The following FZD8 variants were observed in gnomAD, a reference collection of about 807,000 sequenced individuals.
FZD8 encodes frizzled class receptor 8.
Under a neutral mutation model 46.0 loss-of-function variants are expected in FZD8, and 18 were observed. The ratio of observed to expected loss-of-function variants is 0.39; its 90% CI spans 0.27 to 0.58. FZD8 has a LOEUF of 0.58. FZD8 is among the 20% of genes least tolerant of loss of function. The probability of loss-of-function intolerance (pLI) is 0.55; values close to 1 mark genes in which losing one functional copy is unlikely to be tolerated. For missense variants in FZD8, 785 were observed against 983.4 expected (o/e 0.80, Z 2.70); for synonymous variants, 586 against 467.9 (o/e 1.25, Z -3.26).
chr10:35,641,340 G>A lies in FZD8; in HGVS notation c.90C>T (p.Ala30=). ...TGATCTCTTGGCATGCCAGCTCCTT[G>A]GCCGAGGCGGCCGCAGCGCCGCTAG... ...QRSSGAAAAS[A]KELACQEITV... is the part of the protein sequence containing the mutation. The change falls in exon 1 of 1, where the codon GCC becomes GCT. Residue 30 remains alanine (A), a synonymous_variant. Coordinates refer to ENST00000374694, the MANE Select transcript of FZD8 (RefSeq NM_031866.3). The surrounding 1 kb of genome is among the most constrained non-coding windows in gnomAD (Gnocchi z 6.3). The A allele has an allele frequency of 6.2e-7, 1 of 1,613,698 alleles. No individual in the cohort carries two copies. Among genetic ancestry groups the A allele is most frequent in the Non-Finnish European group, 8.5e-7 (1 of 1,179,872 alleles).
chr10:35,639,704 C>A lies in FZD8; in HGVS notation c.1726G>T (p.Asp576Tyr), dbSNP rs780684132. 1 of 1,599,606 alleles carries A rather than the reference C, an allele frequency of 6.3e-7. No individual in the cohort carries two copies. The highest frequency in any genetic ancestry group is 8.5e-7 in the Non-Finnish European group (1 of 1,179,652). ...GCGTAGTCGGGCCTGCGTGCCTGGTCGGGCTGCAGGTCCCGCAGGCACGGG... is the reference window on the plus strand; with the variant it reads ...GCGTAGTCGGGCCTGCGTGCCTGGTAGGGCTGCAGGTCCCGCAGGCACGGG... The part of the protein sequence containing the change: ...NCPCLRDLQP[D>Y]QARRPDYAVF... Residue 576 changes from aspartate (D) to tyrosine (Y), a missense_variant, in exon 1 of 1, where the codon GAC becomes TAC. This residue lies in a region of FZD8 where 185 missense variants were observed against 180.8 expected (regional missense o/e 1.02). Transcript: ENST00000374694.
At position 35,640,806 on chromosome 10, in the gene FZD8, T is replaced by C. The variant is rs1835847814; in HGVS notation, c.624A>G (p.Pro208=). ...GGGGGDAAAP[P]ARGGGGGGKA... Reference sequence around the variant, plus strand: ...TCCCGCCACCGCCGCCGCCGCGAGCTGGGGGCGCCGCCGCGTCCCCGCCGC... The same window carrying C: ...TCCCGCCACCGCCGCCGCCGCGAGCCGGGGGCGCCGCCGCGTCCCCGCCGC... The change falls in exon 1 of 1, where the codon CCA becomes CCG. Residue 208 remains proline (P), a synonymous_variant. Transcript: ENST00000374694. 3.0e-6 allele frequency: 3 copies of C among 1,010,086 alleles called. No individual in the cohort carries two copies. The highest frequency in any genetic ancestry group is 3.5e-6 in the Non-Finnish European group (3 of 847,982). 62.6% of individuals were successfully genotyped at this position (1,010,086 alleles called of 1,614,324 possible). A position where few individuals can be genotyped will look rare whatever the true frequency, so the allele number is the denominator to read the frequency against.
rs1290988469 is a variant in FZD8, at chr10:35,639,633, G to A, written c.1797C>T (p.Thr599=). Residue 599 remains threonine, a synonymous_variant, in exon 1 of 1, where the codon ACC becomes ACT. Transcript: ENST00000374694. ...KYFMCLVVGI[T]SGVWVWSGKT... The stretch of plus-strand genomic sequence containing the variant: ...TGCCGGACCAGACCCACACGCCCGA[G>A]GTGATGCCCACCACTAGGCACATGA... The A allele has an allele frequency of 1.3e-6, 2 of 1,598,440 alleles. No individual in the cohort carries two copies. The highest frequency in any genetic ancestry group is 2.2e-5 in the South Asian group (2 of 91,084).
chr10:35,641,540 CCCTTATGCTTCGCCCGGGAGGGGGGTCTG>C lies in FZD8; in HGVS notation c.-140_-112del, dbSNP rs1322310509. 2.1e-6 allele frequency: 3 copies of C among 1,404,778 alleles called. No individual in the cohort carries two copies. The highest frequency in any genetic ancestry group is 2.9e-5 in the African/African-American group (2 of 68,820). The allele number at this position is 1,404,778 out of a possible 1,614,324, so 87.0% of individuals were successfully genotyped here. On this transcript the variant is annotated 5_prime_UTR_variant, in exon 1 of 1. Coordinates refer to ENST00000374694, the MANE Select transcript of FZD8 (RefSeq NM_031866.3). This position sits in a 1 kb window ranked among gnomAD's most constrained non-coding sequence, Gnocchi z 6.3. ...GGGTACAGCGGGTGATCTGGGGTCT[CCCTTATGCTTCGCCCGGGAGGGGGGTCTG>C]CCGATAATCTAACCCCTTCTAGGGG...
chr10:35,640,589 T>C lies in FZD8; in HGVS notation c.841A>G (p.Ile281Val), dbSNP rs774795765. The C allele has an allele frequency of 1.8e-5, 28 of 1,585,970 alleles. No homozygotes were observed. Among genetic ancestry groups the C allele is most frequent in the Non-Finnish European group, 2.3e-5 (27 of 1,164,150 alleles). Residue 281 changes from isoleucine (I) to valine (V), a missense_variant, in exon 1 of 1, where the codon ATC becomes GTC. By Grantham distance (29) the Ile-to-Val change is conservative (BLOSUM62 3). Coordinates refer to ENST00000374694, the MANE Select transcript of FZD8 (RefSeq NM_031866.3). The stretch of plus-strand genomic sequence containing the variant: ...AAGCAGAGCACCGACCACAGGCCGA[T>C]CCAGAAGACGGTGAAGGCGCGCTCG... ...QDERAFTVFW[I>V]GLWSVLCFVS...
Position 35,639,767 on chromosome 10 carries a change from G to C in FZD8, c.1663C>G (p.Gln555Glu). ...AVVVACLFYE[Q>E]HNRPRWEATH... ...GCCTCCCAGCGCGGGCGGTTGTGCT[G>C]CTCGTAGAAGAGGCAGGCGACCACC... Residue 555 changes from glutamine (Q) to glutamate (E), a missense_variant, in exon 1 of 1, where the codon CAG becomes GAG. Gln to Glu is a conservative substitution (Grantham distance 29, BLOSUM62 2). Transcript: ENST00000374694. The C allele has an allele frequency of 1.2e-6, 2 of 1,601,164 alleles. No homozygotes were observed. Among genetic ancestry groups the C allele is most frequent in the East Asian group, 4.5e-5 (2 of 44,848 alleles).
Position 35,640,342 on chromosome 10 carries a change from G to GCCGCGCCCGCGCCCGCCGCCGCGCCGC in FZD8, c.1061_1087dup (p.Gly354_Ala362dup). 1 of 964,974 alleles carries GCCGCGCCCGCGCCCGCCGCCGCGCCGC rather than the reference G, an allele frequency of 1.0e-6. No homozygotes were observed. Among genetic ancestry groups the GCCGCGCCCGCGCCCGCCGCCGCGCCGC allele is most frequent in the Non-Finnish European group, 1.2e-6 (1 of 814,494 alleles). 59.8% of individuals were successfully genotyped at this position (964,974 alleles called of 1,614,324 possible). ...GCCCGGGCCGCCCGCGCCCGCGCCC[G>GCCGCGCCCGCGCCCGCCGCCGCGCCGC]CCGCGCCCGCGCCCGCCGCCGCGCC... On this transcript the variant is annotated inframe_insertion, in exon 1 of 1. Transcript: ENST00000374694.
Position 35,639,531 on chromosome 10 carries a change from C to T in FZD8, c.1899G>A (p.Ala633=). The T allele has an allele frequency of 5.6e-6, 7 of 1,257,114 alleles. No individual in the cohort carries two copies. Among genetic ancestry groups the T allele is most frequent in the Non-Finnish European group, 6.0e-6 (6 of 995,762 alleles). 77.9% of individuals were successfully genotyped at this position (1,257,114 alleles called of 1,614,324 possible). Residue 633 remains alanine (A), a synonymous_variant, in exon 1 of 1, where the codon GCG becomes GCA. Transcript: ENST00000374694. ...ASKGAAVGGG[A]GATAAGGGGG... Reference sequence around the variant, plus strand: ...CGCCACCCCCCGCGGCCGTGGCGCCCGCGCCCCCGCCCACCGCGGCGCCCT... The same window carrying T: ...CGCCACCCCCCGCGGCCGTGGCGCCTGCGCCCCCGCCCACCGCGGCGCCCT...
rs773372232 is a variant in FZD8, at chr10:35,641,403, C to A, written c.27G>T (p.Val9=). MEWGYLLE[V]TSLLAALALL... ...GCGCCAAGGCGGCCAGCAGCGAGGT[C>A]ACTTCCAACAGGTAACCCCACTCCA... Residue 9 remains valine (V), a synonymous_variant, in exon 1 of 1, where the codon GTG becomes GTT. Transcript: ENST00000374694. This position sits in a 1 kb window ranked among gnomAD's most constrained non-coding sequence, Gnocchi z 6.3. 14 of 1,611,188 alleles carry A rather than the reference C, an allele frequency of 8.7e-6. No homozygotes were observed. The highest frequency in any genetic ancestry group is 1.0e-5 in the Non-Finnish European group (12 of 1,179,504).
rs374758744 is a variant in FZD8, at chr10:35,639,983, C to G, written c.1447G>C (p.Gly483Arg). Reference protein sequence around the residue: ...VGNQSLDNLRGFVLAPLVIYL... With the variant: ...VGNQSLDNLRRFVLAPLVIYL... ...ATGACCAGCGGCGCCAGCACGAAGC[C>G]GCGCAGGTTGTCCAGGCTCTGGTTG... The change falls in exon 1 of 1, where the codon GGC (glycine) becomes CGC (arginine). Residue 483 changes from glycine (G) to arginine (R), a missense_variant. Around this residue, in one of 5 missense-constraint regions of FZD8, gnomAD observed 147 missense variants for 242.5 expected, o/e 0.61. Coordinates refer to ENST00000374694, the MANE Select transcript of FZD8 (RefSeq NM_031866.3). The G allele has an allele frequency of 6.2e-7, 1 of 1,612,752 alleles. No homozygotes were observed. The highest frequency in any genetic ancestry group is 1.1e-5 in the South Asian group (1 of 91,044).
In FZD8 at chr10:35,640,459, G is replaced by T. The variant is rs1212004166; in HGVS notation, c.971C>A (p.Ser324Ter). The T allele has an allele frequency of 6.4e-7, 1 of 1,559,810 alleles. No individual in the cohort carries two copies. The highest frequency in any genetic ancestry group is 8.7e-7 in the Non-Finnish European group (1 of 1,149,818). ...IFLSACYLFVSVGYLVRLVAG... is the reference protein window; with the variant it reads ...IFLSACYLFV Reference sequence around the variant, plus strand: ...CACCAGGCGCACTAGGTAGCCCACCGACACGAAGAGGTAGCAGGCCGAGAG... The same window carrying T: ...CACCAGGCGCACTAGGTAGCCCACCTACACGAAGAGGTAGCAGGCCGAGAG... Residue 324 changes from serine (S) to a stop codon, truncating the protein, a stop_gained, in exon 1 of 1, where the codon TCG becomes TAG. Coordinates refer to ENST00000374694, the MANE Select transcript of FZD8 (RefSeq NM_031866.3). LOFTEE classifies it high-confidence loss of function.
chr10:35,639,811 T>A lies in FZD8; in HGVS notation c.1619A>T (p.Tyr540Phe). The change falls in exon 1 of 1, where the codon TAC (tyrosine) becomes TTC (phenylalanine). Residue 540 changes from tyrosine to phenylalanine, a missense_variant. Physicochemically the swap from Tyr to Phe is conservative, Grantham distance 22 (BLOSUM62 3). Transcript: ENST00000374694. Reference protein sequence around the residue: ...MIRLGLFTVLYTVPAAVVVAC... With the variant: ...MIRLGLFTVLFTVPAAVVVAC... ...GACCACCACCGCGGCGGGCACGGTG[T>A]AGAGCACGGTGAACAGGCCCAGGCG... The A allele has an allele frequency of 6.2e-7, 1 of 1,603,422 alleles. No homozygotes were observed. Among genetic ancestry groups the A allele is most frequent in the Non-Finnish European group, 8.5e-7 (1 of 1,179,742 alleles).
Position 35,642,152 on chromosome 10 carries a change from T to A in FZD8, c.-723A>T, listed in dbSNP as rs1835879120. 6.6e-6 allele frequency: 1 copy of A among 152,180 alleles called. No individual in the cohort carries two copies. The highest frequency in any genetic ancestry group is 2.4e-5 in the African/African-American group (1 of 41,332). The allele number at this position is 152,180 out of a possible 1,614,324, so 9.4% of individuals were successfully genotyped here. A position where few individuals can be genotyped will look rare whatever the true frequency, so the allele number is the denominator to read the frequency against. On this transcript the variant is annotated 5_prime_UTR_variant, in exon 1 of 1. Transcript: ENST00000374694. ...CCGCAGTCGGGCGAGGTGCACACAG[T>A]CTCCTTCCTGCTGGACACCCAGGAG...
rs1835846792 is a variant in FZD8 at position 35,640,789 on chromosome 10, C to A, written c.641G>T (p.Gly214Val). ...AAAPPARGGG[G>V]GGKARPPGGG... Reference sequence around the variant, plus strand: ...GCCAGGGGGCCGCGCCTTCCCGCCACCGCCGCCGCCGCGAGCTGGGGGCGC... The same window carrying A: ...GCCAGGGGGCCGCGCCTTCCCGCCAACGCCGCCGCCGCGAGCTGGGGGCGC... Residue 214 changes from glycine (G) to valine (V), a missense_variant, in exon 1 of 1, where the codon GGT becomes GTT. Around this residue, in one of 5 missense-constraint regions of FZD8, gnomAD observed 354 missense variants for 433.2 expected, o/e 0.82. Transcript: ENST00000374694. 2.7e-6 allele frequency: 3 copies of A among 1,098,038 alleles called. No individual in the cohort carries two copies. The highest frequency in any genetic ancestry group is 3.4e-5 in the African/African-American group (2 of 59,370). The allele number at this position is 1,098,038 out of a possible 1,614,324, so 68.0% of individuals were successfully genotyped here. A position where few individuals can be genotyped will look rare whatever the true frequency, so the allele number is the denominator to read the frequency against.
rs776771781 is a variant in FZD8 at position 35,641,396 on chromosome 10, G to A, written c.34C>T (p.Leu12=). ...EWGYLLEVTS[L]LAALALLQRS... ...TGCAGCAGCGCCAAGGCGGCCAGCA[G>A]CGAGGTCACTTCCAACAGGTAACCC... The change falls in exon 1 of 1, where the codon CTG becomes TTG. Residue 12 remains leucine (L), a synonymous_variant. Transcript: ENST00000374694. This position sits in a 1 kb window ranked among gnomAD's most constrained non-coding sequence, Gnocchi z 6.3. 8 of 1,611,786 alleles carry A rather than the reference G, an allele frequency of 5.0e-6. No individual in the cohort carries two copies. Among genetic ancestry groups the A allele is most frequent in the Admixed American group, 1.7e-5 (1 of 59,946 alleles).
chr10:35,638,915 CA>C lies in FZD8; in HGVS notation c.*429del, dbSNP rs2135499395. 1 of 152,810 alleles carries C rather than the reference CA, an allele frequency of 6.5e-6. No homozygotes were observed. The highest frequency in any genetic ancestry group is 6.5e-5 in the Admixed American group (1 of 15,298). The allele number at this position is 152,810 out of a possible 1,614,324, so 9.5% of individuals were successfully genotyped here. Reference sequence around the variant, plus strand: ...CATCAGGTGGCGGTCACCCCTCCTCCAGGGTAAGTCAGGGGTGGGAGTTTAC... The same window carrying C: ...CATCAGGTGGCGGTCACCCCTCCTCCGGGTAAGTCAGGGGTGGGAGTTTAC... On this transcript the variant is annotated 3_prime_UTR_variant, in exon 1 of 1. Transcript: ENST00000374694.
chr10:35,641,013 G>A lies in FZD8; in HGVS notation c.417C>T (p.Pro139=). The A allele has an allele frequency of 1.9e-6, 3 of 1,605,964 alleles. No homozygotes were observed. Among genetic ancestry groups the A allele is most frequent in the Non-Finnish European group, 2.5e-6 (3 of 1,177,278 alleles). Residue 139 remains proline (P), a synonymous_variant, in exon 1 of 1, where the codon CCC becomes CCT. Coordinates refer to ENST00000374694, the MANE Select transcript of FZD8 (RefSeq NM_031866.3). This position sits in a 1 kb window ranked among gnomAD's most constrained non-coding sequence, Gnocchi z 6.3. ...ACAGCGTGTCAGGGTTGCCTTGCTCGGGCAGCCGGTCGCAGCGCATGCGGT... is the reference window on the plus strand; with the variant it reads ...ACAGCGTGTCAGGGTTGCCTTGCTCAGGCAGCCGGTCGCAGCGCATGCGGT... ...WPDRMRCDRL[P]EQGNPDTLCM... is the part of the protein sequence containing the mutation.
Position 35,639,527 on chromosome 10 carries a change from C to A in FZD8, c.1903G>T (p.Ala635Ser), listed in dbSNP as rs1271718183. 2 of 1,139,284 alleles carry A rather than the reference C, an allele frequency of 1.8e-6. No homozygotes were observed. The highest frequency in any genetic ancestry group is 8.1e-5 in the Admixed American group (2 of 24,654). 70.6% of individuals were successfully genotyped at this position (1,139,284 alleles called of 1,614,324 possible). A position where few individuals can be genotyped will look rare whatever the true frequency, so the allele number is the denominator to read the frequency against. The change falls in exon 1 of 1, where the codon GCC becomes TCC. Residue 635 changes from alanine (A) to serine (S), a missense_variant. Ala to Ser is a moderately conservative substitution (Grantham distance 99, BLOSUM62 1). Coordinates refer to ENST00000374694, the MANE Select transcript of FZD8 (RefSeq NM_031866.3). ...CCGCCGCCACCCCCCGCGGCCGTGG[C>A]GCCCGCGCCCCCGCCCACCGCGGCG... Reference protein sequence around the residue: ...KGAAVGGGAGATAAGGGGGPG... With the variant: ...KGAAVGGGAGSTAAGGGGGPG...
Position 35,640,499 on chromosome 10 carries a change from G to T in FZD8, c.931C>A (p.Arg311=), listed in dbSNP as rs149242882. The change falls in exon 1 of 1, where the codon CGG becomes AGG. Residue 311 remains arginine (R), a synonymous_variant. Coordinates refer to ENST00000374694, the MANE Select transcript of FZD8 (RefSeq NM_031866.3). ...CAGGCCGAGAGGAAGATAATGGGCC[G>T]CTCCGGGTACTTGAAGCGCTCCATG... is the stretch of plus-strand genomic sequence containing the variant. ...IDMERFKYPE[R]PIIFLSACYL... is the part of the protein sequence containing the mutation. 3.5e-4 allele frequency: 549 copies of T among 1,583,180 alleles called. No individual in the cohort carries two copies. Among genetic ancestry groups the T allele is most frequent in the Non-Finnish European group, 4.5e-4 (528 of 1,162,586 alleles).
Sources: allele counts gnomAD v4.1 joint callset, GRCh38; gene constraint gnomAD v4.1.1; regional missense constraint gnomAD v4.1.1; non-coding constraint Gnocchi (gnomAD v3.1); transcripts MANE v1.5; gene names NCBI Gene and HGNC (gene_info 2026-07-23, HGNC 2026-07-21).